Variants in DGKB observed in about 807,000 individuals in gnomAD.
DGKB encodes the protein 90 kDa diacylglycerol kinase.
A neutral mutation model predicts 114.3 loss-of-function variants in DGKB; 67 were observed. The ratio of observed to expected loss-of-function variants is 0.59; its 90% CI spans 0.48 to 0.72. DGKB has a LOEUF of 0.72. Among genes scored for constraint, DGKB ranks in the 30% least tolerant of loss-of-function variants. The pLI is 0.00. For synonymous variants in DGKB, 398 were observed against 323.1 expected, an observed-to-expected ratio of 1.23 and a Z score of -2.49; for missense variants, 907 against 975.2, an observed-to-expected ratio of 0.93 and a Z score of 0.93.
At chr7:14,791,554 A>G (rs1004512620) in intron 2 of DGKB, among the ~76,000 whole-genome samples, 2 of 152,134 alleles carry the variant, frequency 1.3e-5, no homozygotes, top group Non-Finnish European at 2.9e-5. Context: ...TGGGTATTGT[A>G]TAGATGCTCT....
intron 20 of DGKB, among the ~76,000 whole-genome samples, chr7:14,488,863 CAA>C (rs549086120): frequency 2.9e-4 from 9 of 31,548 alleles, no homozygotes; most frequent in African/African-American, 1.9e-3. Context: ...AAAAAAAACC[CAA>C]CAACAACAAC....
chr7:14,518,574 A>C (rs1199334666), intron 20 of DGKB, among the ~76,000 whole-genome samples: 1 of 152,106 alleles, frequency 6.6e-6, no homozygotes, highest in Non-Finnish European at 1.5e-5. Context: ...CTATTTAAAA[A>C]TATTTGCCAA....
At chr7:14,877,786 C>T (rs1271151070) in intron 1 of DGKB, among the ~76,000 whole-genome samples, 1 of 152,130 alleles carries the variant, frequency 6.6e-6, no homozygotes, top group Non-Finnish European at 1.5e-5. Context: ...AATAATTCTT[C>T]ACAATGCTAA....
At chr7:14,924,918 G>T (rs992876398) in intron 1 of DGKB, among the ~76,000 whole-genome samples, 3 of 152,046 alleles carry the variant, frequency 2.0e-5, no homozygotes, top group East Asian at 3.9e-4. Flanking sequence ...CCTCCCTGCT[G>T]CACAGCTTCT....
intron 20 of DGKB, among the ~76,000 whole-genome samples, chr7:14,533,155 G>A (rs1336578804): frequency 6.6e-6 from 1 of 151,734 alleles, no homozygotes; most frequent in Non-Finnish European, 1.5e-5. Context: ...AGAAAGTTCA[G>A]CAAATAAACA....
chr7:14,849,983 A>G (rs1442738382), intron 1 of DGKB, among the ~76,000 whole-genome samples: 2 of 152,168 alleles, frequency 1.3e-5, no homozygotes, highest in African/African-American at 4.8e-5. Context: ...GAGGTGGAAA[A>G]AGCCTCCCCC....
chr7:14,948,015 T>C (rs1256899110), intron 1 of DGKB, among the ~76,000 whole-genome samples: 1 of 151,706 alleles, frequency 6.6e-6, no homozygotes, highest in African/African-American at 2.4e-5. Flanking sequence ...ACGTGGTTGC[T>C]CAGAGGGAAT....
At chr7:14,648,601 A>C (rs1415897558) in intron 13 of DGKB, among the ~76,000 whole-genome samples, 1 of 152,152 alleles carries the variant, frequency 6.6e-6, no homozygotes, top group Non-Finnish European at 1.5e-5. Context: ...TCCTCCTCCA[A>C]AGGAATGCAG....
chr7:14,585,817 T>C (rs888774745), intron 17 of DGKB, among the ~76,000 whole-genome samples: 2 of 152,114 alleles, frequency 1.3e-5, no homozygotes, highest in Non-Finnish European at 2.9e-5. Context: ...ATTATATCTG[T>C]TATGGTGATC....
At chr7:14,783,843 G>A (rs1467607698) in intron 2 of DGKB, among the ~76,000 whole-genome samples, 1 of 152,070 alleles carries the variant, frequency 6.6e-6, no homozygotes, top group Non-Finnish European at 1.5e-5. Context: ...TGAAAGAGAT[G>A]GGATCTTTTT....
intron 23 of DGKB, among the ~76,000 whole-genome samples, chr7:14,274,153 T>C (rs1409868363): frequency 6.6e-6 from 1 of 152,182 alleles, no homozygotes; most frequent in Non-Finnish European, 1.5e-5. Context: ...GGTCAATGAA[T>C]GGCTGTTAGC....
intron 1 of DGKB, among the ~76,000 whole-genome samples, chr7:14,962,656 G>GTGTA (rs1434615472): frequency 1.3e-5 from 2 of 151,774 alleles, no homozygotes; most frequent in Admixed American, 1.3e-4. Context: ...GTGTGTGTGT[G>GTGTA]TGTGTGTGTG....
intron 21 of DGKB, among the ~76,000 whole-genome samples, chr7:14,383,338 C>G (rs1819787750): frequency 6.6e-6 from 1 of 152,178 alleles, no homozygotes; most frequent in Non-Finnish European, 1.5e-5. Context: ...ACTTGACTTT[C>G]ATCAAATGAT....
intron 23 of DGKB, among the ~76,000 whole-genome samples, chr7:14,275,254 A>G (rs1341542236): frequency 6.6e-6 from 1 of 152,190 alleles, no homozygotes; most frequent in Non-Finnish European, 1.5e-5. Flanking sequence ...GGCAGTTACC[A>G]TATTTCATAC....
At chr7:14,212,408 T>TA (rs112505092) in intron 23 of DGKB, among the ~76,000 whole-genome samples, 1,010 of 21,798 alleles carry the variant, frequency 0.046, 286 homozygotes, top group Admixed American at 0.092. Context: ...TGTTTTGTGA[T>TA]TTTACTCTCG....
At chr7:14,891,185 G>T (rs867154660) in intron 1 of DGKB, among the ~76,000 whole-genome samples, 2 of 151,436 alleles carry the variant, frequency 1.3e-5, no homozygotes, top group African/African-American at 4.8e-5. Flanking sequence ...GCGCGAAACC[G>T]CTAATAGTAC....
intron 21 of DGKB, among the ~76,000 whole-genome samples, chr7:14,409,439 G>A (rs1824502183): frequency 9.4e-5 from 1 of 10,624 alleles, no homozygotes; most frequent in Non-Finnish European, 4.6e-4. Flanking sequence ...CGGGCGCGGT[G>A]GCTCACGCCT....
chr7:14,691,780 G>C (rs969544158), intron 9 of DGKB, among the ~76,000 whole-genome samples: 1 of 151,658 alleles, frequency 6.6e-6, no homozygotes, highest in Non-Finnish European at 1.5e-5. Flanking sequence ...TCAGATTTAA[G>C]GTGGTCTCTT....
chr7:14,421,771 A>T (rs1826745376), intron 21 of DGKB, among the ~76,000 whole-genome samples: 1 of 152,082 alleles, frequency 6.6e-6, no homozygotes. Context: ...CACAAAGAGC[A>T]CTGATGTAAT....
Sources: allele counts gnomAD v4.1 joint callset (sites outside exome capture counted in the v4.1 genomes callset), GRCh38; gene constraint gnomAD v4.1.1; transcripts MANE v1.5; gene names NCBI Gene and HGNC (gene_info 2026-07-23, HGNC 2026-07-21).